The following CELF4 variants were observed in gnomAD, a reference collection of about 807,000 sequenced individuals.
CELF4 encodes the protein CUG-BP- and ETR-3-like factor 4.
A neutral mutation model predicts 59.9 loss-of-function variants in CELF4; 18 were observed. The observed-to-expected ratio is 0.30, with a 90% CI of 0.21 to 0.45. CELF4 has a LOEUF of 0.45. CELF4 is among the 20% of genes least tolerant of loss of function. CELF4 has a pLI of 1.00. For synonymous variants in CELF4, 261 were observed against 267.1 expected (o/e 0.98, Z 0.22); for missense variants, 456 against 689.0 (o/e 0.66, Z 3.79).
chr18:37,374,811 T>A (rs1005049560), intron 2 of CELF4, among the ~76,000 whole-genome samples: 1 of 152,162 alleles, frequency 6.6e-6, no homozygotes, highest in Non-Finnish European at 1.5e-5. Context: ...GGCTTCCTAC[T>A]CCCAGCCAGT....
chr18:37,447,183 G>A (rs1034919672), intron 2 of CELF4, among the ~76,000 whole-genome samples: 1 of 152,180 alleles, frequency 6.6e-6, no homozygotes, highest in Non-Finnish European at 1.5e-5. Context: ...GCAGCCAACG[G>A]GCCAAGGGCT....
At chr18:37,388,946 C>G (rs758405010) in intron 2 of CELF4, among the ~76,000 whole-genome samples, 2 of 152,166 alleles carry the variant, frequency 1.3e-5, no homozygotes, top group Non-Finnish European at 2.9e-5. Flanking sequence ...CTGTGCACCT[C>G]TTGATGGCTC....
At chr18:37,506,259 G>C (rs1020094880) in intron 1 of CELF4, among the ~76,000 whole-genome samples, 3 of 152,200 alleles carry the variant, frequency 2.0e-5, no homozygotes, top group Non-Finnish European at 4.4e-5. Flanking sequence ...ATAATTAGCA[G>C]TGGCAAAAAT....
chr18:37,334,298 T>G (rs1017444044), intron 2 of CELF4, among the ~76,000 whole-genome samples: 1 of 152,198 alleles, frequency 6.6e-6, no homozygotes, highest in African/African-American at 2.4e-5. Context: ...GCTGGGCCAC[T>G]ATGTAGCCCT....
At chr18:37,348,763 T>A (rs533599742) in intron 2 of CELF4, among the ~76,000 whole-genome samples, 5 of 152,266 alleles carry the variant, frequency 3.3e-5, no homozygotes, top group South Asian at 2.1e-4. Flanking sequence ...CACACCTCCT[T>A]TCCTCCTTTT....
chr18:37,309,998 T>C (rs1569556080), intron 3 of CELF4, among the ~76,000 whole-genome samples: 1 of 151,590 alleles, frequency 6.6e-6, no homozygotes, highest in Non-Finnish European at 1.5e-5. Flanking sequence ...CCCCAGGCAG[T>C]ATGATTTCTA....
Position 37,330,193 on chromosome 18 carries a change from C to T in CELF4, c.370-8312G>A, listed in dbSNP as rs535637034. ...CTCCACCAGAAATTTGTCTTCCCGG[C>T]GCTTAGCAAATTGTAATTAACAAAT... On this transcript the variant is annotated intron_variant, in intron 2 of 12. Transcript: ENST00000420428. 5.3e-5 allele frequency among the ~76,000 whole-genome samples: 8 copies of T among 152,230 alleles called. No individual in the cohort carries two copies. The South Asian group carries it at 6.2e-4, about 12-fold the overall frequency.
At chr18:37,366,809 C>T (rs2098790980) in intron 2 of CELF4, among the ~76,000 whole-genome samples, 1 of 152,118 alleles carries the variant, frequency 6.6e-6, no homozygotes, top group Non-Finnish European at 1.5e-5. Context: ...TTCTATTTTT[C>T]CCACTACATC....
intron 1 of CELF4, among the ~76,000 whole-genome samples, chr18:37,506,085 G>A (rs1367760781): frequency 7.5e-5 from 5 of 66,874 alleles, no homozygotes; most frequent in Admixed American, 1.9e-4. Flanking sequence ...CCCCAACGCC[G>A]CCCCCCTGTT....
chr18:37,511,395 A>G (rs926124716), intron 1 of CELF4, among the ~76,000 whole-genome samples: 1 of 152,072 alleles, frequency 6.6e-6, no homozygotes, highest in African/African-American at 2.4e-5. Flanking sequence ...TAGCCCATCA[A>G]GGTCAGCCCC....
rs772355922 is a variant in CELF4 at position 37,533,059 on chromosome 18, T to C, written c.286+32297A>G. Among the ~76,000 whole-genome samples, 34 of 152,262 alleles carry C rather than the reference T, an allele frequency of 2.2e-4. 1 individual carries two copies. The highest frequency in any genetic ancestry group is 3.7e-4 in the Non-Finnish European group (25 of 68,052). ...TTACTGTCTTCTGAGCTTACTGGCG[T>C]GGGCGGCCACTTCCAGAACGCAGCC... On this transcript the variant is annotated intron_variant, in intron 1 of 12. Transcript: ENST00000420428.
rs576603112 is a variant in CELF4, at chr18:37,283,782, G to A, written c.449-8539C>T. Among the ~76,000 whole-genome samples, 195 of 151,764 alleles carry A rather than the reference G, an allele frequency of 1.3e-3. 1 individual carries two copies. The highest frequency in any genetic ancestry group is 4.6e-3 in the African/African-American group (189 of 41,340). On this transcript the variant is annotated intron_variant, in intron 3 of 12. Coordinates refer to ENST00000420428, the MANE Select transcript of CELF4 (RefSeq NM_020180.4). Reference sequence around the variant, plus strand: ...GCTGAGAAAGACCTAAAAGGCCTGCGCTGGACCCTGAATGATCCATGGGCA... The same window carrying A: ...GCTGAGAAAGACCTAAAAGGCCTGCACTGGACCCTGAATGATCCATGGGCA...
chr18:37,405,027 C>T (rs962678461), intron 2 of CELF4, among the ~76,000 whole-genome samples: 1 of 152,232 alleles, frequency 6.6e-6, no homozygotes, highest in Non-Finnish European at 1.5e-5. Flanking sequence ...CTGCACCCAG[C>T]CGTTCACCCA....
intron 1 of CELF4, among the ~76,000 whole-genome samples, chr18:37,510,657 C>G (rs1368609105): frequency 6.6e-6 from 1 of 152,248 alleles, no homozygotes; most frequent in Non-Finnish European, 1.5e-5. Context: ...GGGTGGACTT[C>G]ATGGTGCCAG....
intron 1 of CELF4, among the ~76,000 whole-genome samples, chr18:37,560,641 C>G (rs1331179493): frequency 6.6e-6 from 1 of 152,168 alleles, no homozygotes; most frequent in Non-Finnish European, 1.5e-5. Context: ...TCCCCCTGGA[C>G]AGAACTGAAT....
At chr18:37,548,554 T>C (rs1481955327) in intron 1 of CELF4, among the ~76,000 whole-genome samples, 1 of 152,206 alleles carries the variant, frequency 6.6e-6, no homozygotes, top group Non-Finnish European at 1.5e-5. Flanking sequence ...GCCCCTTATG[T>C]GCTGTTTCCG....
At chr18:37,278,821 C>T (rs577937075) in intron 3 of CELF4, among the ~76,000 whole-genome samples, 2 of 152,326 alleles carry the variant, frequency 1.3e-5, no homozygotes, top group African/African-American at 4.8e-5. Context: ...ACAGGTTGGA[C>T]TAGATCCTGA....
chr18:37,414,821 TCATCCACTCATCCATCTACC>T (rs1299324611), intron 2 of CELF4, among the ~76,000 whole-genome samples: 16 of 151,998 alleles, frequency 1.1e-4, no homozygotes, highest in Non-Finnish European at 1.6e-4. Flanking sequence ...CATCCAGCAT[TCATCCACTCATCCATCTACC>T]CATCCACTCA....
rs146821175 is a variant in CELF4 at position 37,341,673 on chromosome 18, T to C, written c.370-19792A>G. ...CTATCCAGCAGAACCTATGGGCTGC[T>C]GTCCAGCATGCTCCAGAGGGGACCC... On this transcript the variant is annotated intron_variant, in intron 2 of 12. Transcript: ENST00000420428. Among the ~76,000 whole-genome samples the C allele has an allele frequency of 1.8e-3, 275 of 152,290 alleles. 2 individuals carry two copies. The highest frequency in any genetic ancestry group is 6.5e-3 in the African/African-American group (269 of 41,574).
Sources: allele counts gnomAD v4.1 joint callset (sites outside exome capture counted in the v4.1 genomes callset), GRCh38; gene constraint gnomAD v4.1.1; transcripts MANE v1.5; gene names NCBI Gene and HGNC (gene_info 2026-07-23, HGNC 2026-07-21).